Variants in MYH9 observed in about 807,000 individuals in gnomAD.
MYH9 encodes the protein myosin heavy chain 9.
A neutral mutation model predicts 241.9 loss-of-function variants in MYH9; 29 were observed. That is an observed-to-expected ratio of 0.12 (90% confidence interval 0.09 to 0.16). The LOEUF is 0.16. Among genes scored for constraint, MYH9 ranks in the 10% least tolerant of loss-of-function variants. MYH9 has a pLI of 1.00. For missense variants in MYH9, 1,803 were observed against 2,595.5 expected, an observed-to-expected ratio of 0.69 and a Z score of 6.63; for synonymous variants, 1,047 against 1,062.6, an observed-to-expected ratio of 0.99 and a Z score of 0.29.
intron 1 of MYH9, among the ~76,000 whole-genome samples, chr22:36,362,350 G>A (rs2017947940): frequency 6.6e-6 from 1 of 152,184 alleles, no homozygotes; most frequent in Non-Finnish European, 1.5e-5. Flanking sequence ...AGCAATCCCA[G>A]GAGCTCCAGG....
At chr22:36,337,749 G>A (rs1053906882) in intron 3 of MYH9, among the ~76,000 whole-genome samples, 1 of 152,198 alleles carries the variant, frequency 6.6e-6, no homozygotes, top group Non-Finnish European at 1.5e-5. Flanking sequence ...GGGGCAGCAT[G>A]CACTAAGACT....
intron 2 of MYH9, among the ~76,000 whole-genome samples, chr22:36,345,591 C>T (rs571535005): frequency 2.0e-5 from 3 of 152,324 alleles, no homozygotes; most frequent in African/African-American, 7.2e-5. Flanking sequence ...CCCCCACAGA[C>T]ACACTGTGCT....
chr22:36,368,078 G>T (rs1315097190), intron 1 of MYH9, among the ~76,000 whole-genome samples: 1 of 152,210 alleles, frequency 6.6e-6, no homozygotes, highest in Admixed American at 6.5e-5. Flanking sequence ...GGCCAACCTG[G>T]AGGTAAGCGC....
intron 12 of MYH9, among the ~76,000 whole-genome samples, chr22:36,315,809 A>C (rs977040408): frequency 4.9e-5 from 7 of 144,120 alleles, no homozygotes; most frequent in African/African-American, 1.5e-4. Context: ...GTTGAAAATG[A>C]GCCCTTCTGT....
intron 1 of MYH9, among the ~76,000 whole-genome samples, chr22:36,386,814 G>A (rs1251046942): frequency 6.6e-6 from 1 of 152,268 alleles, no homozygotes; most frequent in African/African-American, 2.4e-5. Flanking sequence ...CCTGTCTCCT[G>A]TGCGTGGCCC....
At position 36,306,739 on chromosome 22, in the gene MYH9, C is replaced by A; in HGVS notation, c.1844-132G>T. ...ACAGAATGAAACAACAGGACCCTTT[C>A]CAATTGGAGCCTACACTGGGTGCTA... is the stretch of plus-strand genomic sequence containing the variant. On this transcript the variant is annotated intron_variant, in intron 15 of 40. Transcript: ENST00000216181. This position sits in a 1 kb window ranked among gnomAD's most constrained non-coding sequence, Gnocchi z 4.1. 1.1e-6 allele frequency: 1 copy of A among 933,204 alleles called. No individual in the cohort carries two copies. The highest frequency in any genetic ancestry group is 1.4e-5 in the South Asian group (1 of 71,508). 57.8% of individuals were successfully genotyped at this position (933,204 alleles called of 1,614,324 possible). A position where few individuals can be genotyped will look rare whatever the true frequency, so the allele number is the denominator to read the frequency against.
intron 1 of MYH9, among the ~76,000 whole-genome samples, chr22:36,359,594 T>C (rs934223984): frequency 2.0e-5 from 3 of 152,226 alleles, no homozygotes; most frequent in Non-Finnish European, 1.5e-5. Context: ...ATTTACTGGT[T>C]TTACATATAG....
At chr22:36,297,127 C>T (rs928317508) in intron 24 of MYH9, 113 bp from the exon 25 acceptor site, 54 of 1,246,132 alleles carry the variant, frequency 4.3e-5, no homozygotes, top group Non-Finnish European at 5.8e-5. Context: ...AGGCTTAAAG[C>T]ATCACAAACA....
intron 1 of MYH9, among the ~76,000 whole-genome samples, chr22:36,355,375 CCT>C (rs1352539848): frequency 1.3e-5 from 2 of 152,148 alleles, no homozygotes; most frequent in South Asian, 2.1e-4. Context: ...TTTATTTCTC[CCT>C]GTTTTCCCAG....
At chr22:36,309,159 C>G in intron 15 of MYH9, 123 bp downstream of exon 15, 2 of 846,318 alleles carry the variant, frequency 2.4e-6, no homozygotes, top group Non-Finnish European at 4.0e-6. Context: ...AGGGCAGAGA[C>G]CACCTGGCCT....
chr22:36,296,897 TC>T lies in MYH9; in HGVS notation c.3217del (p.Glu1073SerfsTer69), dbSNP rs755097425. 1 of 1,613,658 alleles carries T rather than the reference TC, an allele frequency of 6.2e-7. No individual in the cohort carries two copies. ...QIAELQAQIA[E>X]LKMQLAKKEE... ...TTTCTTGGCCAGCTGCATCTTGAGC[TC>T]CGCGATCTGGGCCTGGAGCTCGGCG... On this transcript the variant is annotated frameshift_variant, in exon 25 of 41. Coordinates refer to ENST00000216181, the MANE Select transcript of MYH9 (RefSeq NM_002473.6). LOFTEE classifies it high-confidence loss of function.
intron 1 of MYH9, among the ~76,000 whole-genome samples, chr22:36,378,408 G>T (rs1446609217): frequency 6.6e-6 from 1 of 152,094 alleles, no homozygotes; most frequent in African/African-American, 2.4e-5. Context: ...AAAGGCGGGG[G>T]GTCTGCTCCT....
At chr22:36,324,348 CTG>C (rs1408788018) in intron 5 of MYH9, among the ~76,000 whole-genome samples, 1 of 152,250 alleles carries the variant, frequency 6.6e-6, no homozygotes, top group Non-Finnish European at 1.5e-5. Context: ...TGATGCGGTA[CTG>C]TATGAGGTTT....
At chr22:36,351,574 G>A (rs1881304690) in intron 1 of MYH9, among the ~76,000 whole-genome samples, 1 of 152,110 alleles carries the variant, frequency 6.6e-6, no homozygotes, top group South Asian at 2.1e-4. Flanking sequence ...GTAAATCCTA[G>A]TTGTTCTTTC....
At chr22:36,345,017 A>G (rs554115177) in intron 2 of MYH9, among the ~76,000 whole-genome samples, 1 of 152,340 alleles carries the variant, frequency 6.6e-6, no homozygotes, top group Non-Finnish European at 1.5e-5. Flanking sequence ...GGTACTTTAG[A>G]AAGTTCCCAT....
At position 36,306,558 on chromosome 22, in the gene MYH9, T is replaced by C. The variant is rs1286361363; in HGVS notation, c.1893A>G (p.Ala631=). The change falls in exon 16 of 41, where the codon GCA becomes GCG. Residue 631 remains alanine (A), a synonymous_variant. Coordinates refer to ENST00000216181, the MANE Select transcript of MYH9 (RefSeq NM_002473.6). The surrounding 1 kb of genome is among the most constrained non-coding windows in gnomAD (Gnocchi z 4.1). Reference sequence around the variant, plus strand: ...TCCGCGTCTTGAAGGCCCCGGGCAGTGCGGTCTCCGACATGCCGGCCACCT... The same window carrying C: ...TCCGCGTCTTGAAGGCCCCGGGCAGCGCGGTCTCCGACATGCCGGCCACCT... The part of the protein sequence containing the change: ...LDQVAGMSET[A]LPGAFKTRKG... 6.2e-7 allele frequency: 1 copy of C among 1,613,926 alleles called. No individual in the cohort carries two copies. The highest frequency in any genetic ancestry group is 8.5e-7 in the Non-Finnish European group (1 of 1,180,018).
In MYH9 at chr22:36,282,541, G is replaced by A. The variant is rs2016508514; in HGVS notation, c.*127C>T. The stretch of plus-strand genomic sequence containing the variant: ...GAGGGAAACGGGATGGGGGGACGGG[G>A]CGGAGGGCAGGAGGAGGCATGTTCA... On this transcript the variant is annotated 3_prime_UTR_variant, in exon 41 of 41. Coordinates refer to ENST00000216181, the MANE Select transcript of MYH9 (RefSeq NM_002473.6). 1 of 906,654 alleles carries A rather than the reference G, an allele frequency of 1.1e-6. No individual in the cohort carries two copies. Among genetic ancestry groups the A allele is most frequent in the Non-Finnish European group, 1.8e-6 (1 of 546,606 alleles). 56.2% of individuals were successfully genotyped at this position (906,654 alleles called of 1,614,324 possible).
chr22:36,308,551 G>C (rs146378469), intron 15 of MYH9, among the ~76,000 whole-genome samples: 1 of 152,112 alleles, frequency 6.6e-6, no homozygotes, highest in African/African-American at 2.4e-5. Context: ...TGGGATTACA[G>C]TGTTTTAAGA....
chr22:36,306,337 T>C lies in MYH9; in HGVS notation c.2037+77A>G, dbSNP rs1214764409. ...ATGCTGGGGGGCTGGAGGGGTGCTT[T>C]TGCTGGGGAGACAGACAAGGGCTGA... is the stretch of plus-strand genomic sequence containing the variant. On this transcript the variant is annotated intron_variant, in intron 16 of 40. Coordinates refer to ENST00000216181, the MANE Select transcript of MYH9 (RefSeq NM_002473.6). This position sits in a 1 kb window ranked among gnomAD's most constrained non-coding sequence, Gnocchi z 4.1. 6.4e-7 allele frequency: 1 copy of C among 1,573,554 alleles called. No homozygotes were observed. The highest frequency in any genetic ancestry group is 1.4e-5 in the African/African-American group (1 of 73,986).
Sources: allele counts gnomAD v4.1 joint callset (sites outside exome capture counted in the v4.1 genomes callset), GRCh38; gene constraint gnomAD v4.1.1; non-coding constraint Gnocchi (gnomAD v3.1); transcripts MANE v1.5; gene names NCBI Gene and HGNC (gene_info 2026-07-23, HGNC 2026-07-21).